The following ADGRL2 variants were observed in gnomAD, a reference collection of about 807,000 sequenced individuals.
ADGRL2 encodes the protein adhesion G protein-coupled receptor L2.
A neutral mutation model predicts 157.4 loss-of-function variants in ADGRL2; 44 were observed. The ratio of observed to expected loss-of-function variants is 0.28; its 90% CI spans 0.22 to 0.36. The LOEUF is 0.36. ADGRL2 is among the 10% of genes least tolerant of loss of function. The probability of loss-of-function intolerance (pLI) is 1.00; values close to 1 mark genes in which losing one functional copy is unlikely to be tolerated. For missense variants in ADGRL2, 1,510 were observed against 1,768.9 expected (o/e 0.85, Z 2.63); for synonymous variants, 585 against 624.7 (o/e 0.94, Z 0.95).
intron 3 of ADGRL2, among the ~76,000 whole-genome samples, chr1:81,629,310 C>T (rs1221657682): frequency 6.6e-6 from 1 of 152,020 alleles, no homozygotes; most frequent in African/African-American, 2.4e-5. Flanking sequence ...AATATTATAT[C>T]ATATTGAATG....
intron 1 of ADGRL2, among the ~76,000 whole-genome samples, chr1:81,391,207 A>T (rs1182235338): frequency 2.0e-5 from 3 of 152,300 alleles, no homozygotes; most frequent in Admixed American, 2.0e-4. Flanking sequence ...TTGAGCACTT[A>T]TCCAGTGCTC....
At chr1:81,359,553 T>C (rs1354282028) in intron 1 of ADGRL2, among the ~76,000 whole-genome samples, 1 of 152,082 alleles carries the variant, frequency 6.6e-6, no homozygotes, top group Non-Finnish European at 1.5e-5. Flanking sequence ...ACTCATTTTC[T>C]TAGTCAACAT....
At chr1:81,739,780 TGATAA>T (rs2149217004) in intron 1 of ADGRL2, among the ~76,000 whole-genome samples, 2 of 152,336 alleles carry the variant, frequency 1.3e-5, no homozygotes, top group African/African-American at 4.8e-5. Flanking sequence ...TTAGCTTTAT[TGATAA>T]GATAACACCC....
intron 1 of ADGRL2, among the ~76,000 whole-genome samples, chr1:81,705,778 T>C (rs1187520606): frequency 3.3e-5 from 5 of 151,540 alleles, no homozygotes; most frequent in Non-Finnish European, 7.4e-5. Flanking sequence ...TAGATAAACA[T>C]GGTGGTAGTC....
chr1:81,493,471 T>G (rs560247872), intron 2 of ADGRL2, among the ~76,000 whole-genome samples: 1 of 152,346 alleles, frequency 6.6e-6, no homozygotes, highest in African/African-American at 2.4e-5. Flanking sequence ...TGTGCTCTCC[T>G]ATTTTTAGGC....
intron 1 of ADGRL2, among the ~76,000 whole-genome samples, chr1:81,830,687 A>G (rs2091884500): frequency 6.6e-6 from 1 of 152,048 alleles, no homozygotes; most frequent in South Asian, 2.1e-4. Context: ...TTTGTATTTT[A>G]GTAGAGACGG....
At chr1:81,599,071 A>G (rs1343168480) in intron 3 of ADGRL2, among the ~76,000 whole-genome samples, 1 of 152,216 alleles carries the variant, frequency 6.6e-6, no homozygotes, top group African/African-American at 2.4e-5. Context: ...AGCAAAGGCC[A>G]CTGAAGCCTT....
chr1:81,501,235 A>G (rs1172972791), intron 2 of ADGRL2, among the ~76,000 whole-genome samples: 1 of 152,240 alleles, frequency 6.6e-6, no homozygotes, highest in Non-Finnish European at 1.5e-5. Context: ...ACCTTTATAC[A>G]CAACATAGCA....
At chr1:81,315,780 TG>T (rs1432732732) in intron 1 of ADGRL2, among the ~76,000 whole-genome samples, 1 of 150,960 alleles carries the variant, frequency 6.6e-6, no homozygotes, top group African/African-American at 2.5e-5. Context: ...TTTTTTTTTT[TG>T]ATTTGTTGAA....
chr1:81,455,159 A>G (rs1222445174), intron 2 of ADGRL2, among the ~76,000 whole-genome samples: 1 of 152,120 alleles, frequency 6.6e-6, no homozygotes. Flanking sequence ...TGAAACTTTG[A>G]CTCGTTTTAT....
At chr1:81,660,378 T>G (rs1403738586) in intron 3 of ADGRL2, among the ~76,000 whole-genome samples, 1 of 151,902 alleles carries the variant, frequency 6.6e-6, no homozygotes, top group African/African-American at 2.4e-5. Context: ...GACAACTCAC[T>G]GAGGTTGGAG....
rs144766222 is a variant in ADGRL2 at position 81,520,829 on chromosome 1, G to C, written c.-247-60047G>C. ...TCTCATAAAAAGTCTATGACAGGCA[G>C]TCTGGCACAAATATGGCATTCCACG... On this transcript the variant is annotated intron_variant, in intron 2 of 24. Transcript: ENST00000370721. 8.2e-3 allele frequency among the ~76,000 whole-genome samples: 1,246 copies of C among 152,248 alleles called. 8 individuals carry two copies. The highest frequency in any genetic ancestry group is 0.013 in the Non-Finnish European group (861 of 68,028).
chr1:81,971,497 A>G (rs927098909), intron 16 of ADGRL2, among the ~76,000 whole-genome samples: 3 of 152,156 alleles, frequency 2.0e-5, no homozygotes, highest in Non-Finnish European at 2.9e-5. Flanking sequence ...TGAAAATTAT[A>G]TGTAGGACTT....
chr1:81,749,523 A>G (rs1407616387), intron 1 of ADGRL2, among the ~76,000 whole-genome samples: 1 of 152,162 alleles, frequency 6.6e-6, no homozygotes, highest in African/African-American at 2.4e-5. Flanking sequence ...ACTAGATGGT[A>G]AGCTCCATCA....
At chr1:81,839,365 G>A (rs1008282521) in intron 2 of ADGRL2, among the ~76,000 whole-genome samples, 2 of 151,804 alleles carry the variant, frequency 1.3e-5, no homozygotes, top group Non-Finnish European at 2.9e-5. Context: ...CATAAGGCAC[G>A]GTTCTTTTTT....
At chr1:81,732,198 T>A (rs1293078252) in intron 1 of ADGRL2, among the ~76,000 whole-genome samples, 1 of 152,192 alleles carries the variant, frequency 6.6e-6, no homozygotes, top group African/African-American at 2.4e-5. Context: ...TGCCAACTAT[T>A]GTTAAGAGAG....
rs1262664165 is a variant in ADGRL2 at position 81,951,985 on chromosome 1, T to A, written c.1637T>A (p.Leu546His). 1 of 1,609,314 alleles carries A rather than the reference T, an allele frequency of 6.2e-7. No homozygotes were observed. Among genetic ancestry groups the A allele is most frequent in the Admixed American group, 1.7e-5 (1 of 59,460 alleles). The change falls in exon 9 of 24, where the codon CTT (leucine) becomes CAT (histidine). Residue 546 changes from leucine (L) to histidine (H), a missense_variant. Coordinates refer to ENST00000686636, the MANE Select transcript of ADGRL2 (RefSeq NM_001366006.2). Reference protein sequence around the residue: ...KIRSGENAASLANELAKHTKG... With the variant: ...KIRSGENAASHANELAKHTKG... ...AGAAGCGGAGAAAATGCTGCTAGTC[T>A]TGCCAATGAACTGGCTAAACATACC...
rs531177666 is a variant in ADGRL2 at position 81,862,092 on chromosome 1, TA to T, written c.73+25039del. Among the ~76,000 whole-genome samples, 1,386 of 152,262 alleles carry T rather than the reference TA, an allele frequency of 9.1e-3. 10 individuals are homozygous for T. Among genetic ancestry groups the T allele is most frequent in the Non-Finnish European group, 0.014 (966 of 68,024 alleles). On this transcript the variant is annotated intron_variant, in intron 2 of 23. Coordinates refer to ENST00000686636, the MANE Select transcript of ADGRL2 (RefSeq NM_001366006.2). Reference sequence around the variant, plus strand: ...GGAATTTTGTTTTGCTTGCTGAAGTTAAAACAAGCAAAATTTGTAACTTAAG... The same window carrying T: ...GGAATTTTGTTTTGCTTGCTGAAGTTAAACAAGCAAAATTTGTAACTTAAG...
chr1:81,580,198 G>A lies in ADGRL2; in HGVS notation c.-247-678G>A, dbSNP rs79977925. Among the ~76,000 whole-genome samples, 392 of 152,262 alleles carry A rather than the reference G, an allele frequency of 2.6e-3. 2 individuals carry two copies. Among genetic ancestry groups the A allele is most frequent in the African/African-American group, 8.9e-3 (369 of 41,560 alleles). ...TCCTTGGTGAATGAAGTATTGTGAT[G>A]TGGATTTATCCTCCTTGCTTGTACA... On this transcript the variant is annotated intron_variant, in intron 2 of 24. Transcript: ENST00000370721.
Sources: allele counts gnomAD v4.1 joint callset (sites outside exome capture counted in the v4.1 genomes callset), GRCh38; gene constraint gnomAD v4.1.1; transcripts MANE v1.5; gene names NCBI Gene and HGNC (gene_info 2026-07-23, HGNC 2026-07-21).